The following RNPC3 variants were observed in gnomAD, a reference collection of about 807,000 sequenced individuals.
RNPC3 encodes the protein RNA-binding region-containing protein 3.
In RNPC3, 48 loss-of-function variants were observed where a neutral mutation model predicts 67.5. The observed-to-expected ratio is 0.71, with a 90% confidence interval of 0.56 to 0.90. The LOEUF is 0.90. Among genes scored for constraint, RNPC3 ranks in the 40% least tolerant of loss-of-function variants. The probability of loss-of-function intolerance (pLI) is 0.00; values close to 1 mark genes in which losing one functional copy is unlikely to be tolerated. For missense variants in RNPC3, 637 were observed against 626.1 expected, an observed-to-expected ratio of 1.02 and a Z score of -0.19; for synonymous variants, 239 against 210.3, an observed-to-expected ratio of 1.14 and a Z score of -1.18.
chr1:103,536,101 A>T lies in RNPC3; in HGVS notation c.556-25A>T, dbSNP rs1368408753. Reference sequence around the variant, plus strand: ...TGTGAGTTGAATCATTTTATATGTGAATTTAAATGTCTTACCACTTTAAGG... The same window carrying T: ...TGTGAGTTGAATCATTTTATATGTGTATTTAAATGTCTTACCACTTTAAGG... On this transcript the variant is annotated intron_variant, in intron 5 of 14. Transcript: ENST00000423855. The T allele has an allele frequency of 4.0e-6, 6 of 1,489,070 alleles. No homozygotes were observed. In the East Asian group the frequency reaches 1.5e-4, roughly 37 times the overall value. The allele number at this position is 1,489,070 out of a possible 1,614,324, so 92.2% of individuals were successfully genotyped here.
In RNPC3 at chr1:103,525,937, T is replaced by G; in HGVS notation, c.-134T>G. On this transcript the variant is annotated 5_prime_UTR_variant, in exon 1 of 15. Coordinates refer to ENST00000423855, the MANE Select transcript of RNPC3 (RefSeq NM_017619.4). ...GCGCAGTTCTCGCGAGAAGGTGACT[T>G]TCTTTCTCGGTATTTCCTGGTTTCC... 1 of 730,956 alleles carries G rather than the reference T, an allele frequency of 1.4e-6. No individual in the cohort carries two copies. Among genetic ancestry groups the G allele is most frequent in the Non-Finnish European group, 2.2e-6 (1 of 461,348 alleles). 45.3% of individuals were successfully genotyped at this position (730,956 alleles called of 1,614,324 possible).
chr1:103,547,359 C>G (rs900952868), intron 12 of RNPC3, among the ~76,000 whole-genome samples: 2 of 152,192 alleles, frequency 1.3e-5, no homozygotes, highest in African/African-American at 4.8e-5. Context: ...TAATAAAACT[C>G]TTTACAGAAA....
chr1:103,547,578 C>T (rs1305156606), intron 12 of RNPC3, among the ~76,000 whole-genome samples: 1 of 152,170 alleles, frequency 6.6e-6, no homozygotes, highest in Non-Finnish European at 1.5e-5. Flanking sequence ...GATCCAAAGA[C>T]TATGCTTTGA....
Position 103,537,379 on chromosome 1 carries a change from C to G in RNPC3, c.662C>G (p.Pro221Arg), listed in dbSNP as rs1651011652. ...ATGCCATTGCATGCACCTCTTCCAC[C>G]CACATCTCCTCAGCCACCTGAGGAA... ...DYMPLHAPLP[P>R]TSPQPPEEPP... Residue 221 changes from proline (P) to arginine (R), a missense_variant, in exon 7 of 15, where the codon CCC becomes CGC. Pro to Arg is a moderately radical substitution (Grantham distance 103). Coordinates refer to ENST00000423855, the MANE Select transcript of RNPC3 (RefSeq NM_017619.4). The G allele has an allele frequency of 1.3e-6, 2 of 1,535,672 alleles. No homozygotes were observed. Among genetic ancestry groups the G allele is most frequent in the Non-Finnish European group, 1.7e-6 (2 of 1,146,402 alleles).
chr1:103,535,226 T>C (rs756152429), intron 4 of RNPC3, 104 bp from the exon 5 acceptor site: 1 of 693,012 alleles, frequency 1.4e-6, no homozygotes. Flanking sequence ...AATCTAATAG[T>C]ACTGTATCAT....
intron 2 of RNPC3, among the ~76,000 whole-genome samples, chr1:103,528,928 T>C (rs1400570425): frequency 6.6e-6 from 1 of 152,106 alleles, no homozygotes; most frequent in African/African-American, 2.4e-5. Flanking sequence ...CATGAAACAA[T>C]AGAAATGACC....
intron 12 of RNPC3, among the ~76,000 whole-genome samples, chr1:103,548,962 T>C (rs1308453558): frequency 6.6e-6 from 1 of 152,132 alleles, no homozygotes; most frequent in African/African-American, 2.4e-5. Context: ...GCGGGCAAAC[T>C]GCCATTATTT....
chr1:103,534,330 T>G (rs1037403195), intron 3 of RNPC3, among the ~76,000 whole-genome samples: 3 of 151,980 alleles, frequency 2.0e-5, no homozygotes, highest in African/African-American at 7.2e-5. Context: ...TTTAACCCAG[T>G]CTTACTGAAT....
chr1:103,530,901 A>C (rs1650832830), intron 2 of RNPC3, among the ~76,000 whole-genome samples: 2 of 152,136 alleles, frequency 1.3e-5, no homozygotes, highest in South Asian at 4.1e-4. Flanking sequence ...TACATGAATA[A>C]GTTCTTTAGT....
At chr1:103,548,231 A>T (rs1287207388) in intron 12 of RNPC3, among the ~76,000 whole-genome samples, 1 of 152,134 alleles carries the variant, frequency 6.6e-6, no homozygotes, top group Non-Finnish European at 1.5e-5. Flanking sequence ...ACTTATGCAG[A>T]TTTCTACAGC....
intron 7 of RNPC3, among the ~76,000 whole-genome samples, chr1:103,540,966 A>G (rs933865570): frequency 6.6e-6 from 1 of 152,172 alleles, no homozygotes; most frequent in African/African-American, 2.4e-5. Flanking sequence ...AATAATTAGA[A>G]TATGAATAAA....
chr1:103,550,819 G>A (rs1651369803), intron 12 of RNPC3, 122 bp from the exon 13 acceptor site: 4 of 872,582 alleles, frequency 4.6e-6, no homozygotes, highest in Non-Finnish European at 3.6e-6. Flanking sequence ...CTGAATAATT[G>A]ACGTGCCTAT....
intron 7 of RNPC3, among the ~76,000 whole-genome samples, chr1:103,537,884 C>T (rs1392074173): frequency 6.6e-6 from 1 of 151,894 alleles, no homozygotes; most frequent in African/African-American, 2.4e-5. Context: ...GCTCTTATTG[C>T]CCAGGCTGGA....
intron 12 of RNPC3, 112 bp downstream of exon 12, chr1:103,547,147 A>C: frequency 1.5e-6 from 1 of 672,794 alleles, no homozygotes; most frequent in Non-Finnish European, 2.3e-6. Context: ...TATATGAAAA[A>C]GTTCGTCTAT....
rs888169363 is a variant in RNPC3, at chr1:103,546,961, C to G, written c.1303-16C>G. On this transcript the variant is annotated splice_polypyrimidine_tract_variant and intron_variant, in intron 11 of 14. Coordinates refer to ENST00000423855, the MANE Select transcript of RNPC3 (RefSeq NM_017619.4). Reference sequence around the variant, plus strand: ...CCCTGGCTTTGTTATTTGTCTTTTTCTTATTGAAATTCTAGGACCTTAAAT... The same window carrying G: ...CCCTGGCTTTGTTATTTGTCTTTTTGTTATTGAAATTCTAGGACCTTAAAT... 1 of 1,323,218 alleles carries G rather than the reference C, an allele frequency of 7.6e-7. No homozygotes were observed. Among genetic ancestry groups the G allele is most frequent in the Non-Finnish European group, 1.0e-6 (1 of 972,208 alleles). The allele number at this position is 1,323,218 out of a possible 1,614,324, so 82.0% of individuals were successfully genotyped here.
intron 5 of RNPC3, 37 bp downstream of exon 5, chr1:103,535,478 G>T (rs1173312290): frequency 1.6e-6 from 2 of 1,266,878 alleles, no homozygotes; most frequent in Non-Finnish European, 2.2e-6. Flanking sequence ...AGGACTTGTT[G>T]TATAGCTTGA....
intron 12 of RNPC3, among the ~76,000 whole-genome samples, chr1:103,550,284 C>T (rs1651354913): frequency 6.6e-6 from 1 of 151,658 alleles, no homozygotes; most frequent in Admixed American, 6.6e-5. Flanking sequence ...TTTTTAATCA[C>T]TTGAGCAGAT....
intron 14 of RNPC3, chr1:103,552,905 A>G (rs1322680711): frequency 6.6e-6 from 1 of 152,228 alleles, no homozygotes; most frequent in Admixed American, 6.5e-5. Context: ...TAAATATGGT[A>G]GAATTAAGCA....
At position 103,537,367 on chromosome 1, in the gene RNPC3, C is replaced by T; in HGVS notation, c.650C>T (p.Ala217Val). The change falls in exon 7 of 15, where the codon GCA (alanine) becomes GTA (valine). Residue 217 changes from alanine to valine, a missense_variant. Transcript: ENST00000423855. ...TATGAAGACTATATGCCATTGCATG[C>T]ACCTCTTCCACCCACATCTCCTCAG... ...PMYEDYMPLH[A>V]PLPPTSPQPP... 1.3e-6 allele frequency: 2 copies of T among 1,535,284 alleles called. No individual in the cohort carries two copies. Among genetic ancestry groups the T allele is most frequent in the East Asian group, 2.4e-5 (1 of 40,882 alleles).
Sources: gnomAD v4.1 joint callset for allele counts (sites outside exome capture counted in the v4.1 genomes callset) on GRCh38, gnomAD v4.1.1 for gene constraint, MANE v1.5 for transcripts, NCBI Gene and HGNC (gene_info 2026-07-23, HGNC 2026-07-21) for gene names.